The following GPC6 variants were observed in gnomAD, a reference collection of about 807,000 sequenced individuals.
GPC6 encodes the protein glypican 6.
GPC6 carries 14 observed loss-of-function variants against 55.2 expected under a neutral mutation model. The observed-to-expected ratio is 0.25, with a 90% confidence interval of 0.17 to 0.40. GPC6 has a LOEUF of 0.40. Ranked by LOEUF, GPC6 falls within the 10% of genes least tolerant of loss-of-function variation. The probability of loss-of-function intolerance (pLI) is 1.00; values close to 1 mark genes in which losing one functional copy is unlikely to be tolerated. For synonymous variants in GPC6, 278 were observed against 259.6 expected, an observed-to-expected ratio of 1.07 and a Z score of -0.68; for missense variants, 641 against 708.5, an observed-to-expected ratio of 0.90 and a Z score of 1.08.
chr13:93,258,888 T>G (rs1157711395), intron 1 of GPC6, among the ~76,000 whole-genome samples: 1 of 152,132 alleles, frequency 6.6e-6, no homozygotes, highest in Non-Finnish European at 1.5e-5. Context: ...AGTTTGAGGC[T>G]TCAGGGAGCT....
At chr13:94,348,478 C>A (rs1390413060) in intron 6 of GPC6, among the ~76,000 whole-genome samples, 1 of 152,210 alleles carries the variant, frequency 6.6e-6, no homozygotes, top group Non-Finnish European at 1.5e-5. Context: ...CCAGATAAGG[C>A]CAATGCTGCT....
At chr13:93,724,937 G>T (rs1428107391) in intron 2 of GPC6, among the ~76,000 whole-genome samples, 1 of 151,846 alleles carries the variant, frequency 6.6e-6, no homozygotes, top group Non-Finnish European at 1.5e-5. Context: ...ATGGATTTAA[G>T]GTGCTATAGA....
At chr13:94,203,946 G>A (rs1316821881) in intron 4 of GPC6, among the ~76,000 whole-genome samples, 1 of 151,996 alleles carries the variant, frequency 6.6e-6, no homozygotes, top group African/African-American at 2.4e-5. Flanking sequence ...CCAGAGATGG[G>A]ATGAATTCAC....
chr13:94,253,585 G>A (rs564941278), intron 4 of GPC6, among the ~76,000 whole-genome samples: 61 of 152,150 alleles, frequency 4.0e-4, no homozygotes, highest in African/African-American at 1.5e-3. Flanking sequence ...GAGCTTCCCT[G>A]TTCCCAAGAT....
rs200455615 is a variant in GPC6 at position 93,413,572 on chromosome 13, C to T, written c.161-131691C>T. ...GTATTTTGTTCTTTTTTTTTTTTTC[C>T]GGAAGAGATGAGTATAAAGTTGAGA... On this transcript the variant is annotated intron_variant, in intron 1 of 8. Transcript: ENST00000377047. Among the ~76,000 whole-genome samples, 193 of 146,112 alleles carry T rather than the reference C, an allele frequency of 1.3e-3. 2 individuals carry two copies. Among genetic ancestry groups the T allele is most frequent in the African/African-American group, 4.5e-3 (179 of 39,992 alleles).
the GPC6 span, among the ~76,000 whole-genome samples, chr13:93,219,873 ATCT>A: frequency 0.96 from 145,173 of 151,994 alleles, 69,672 homozygotes; most frequent in East Asian, 1. Flanking sequence ...TTTTGTTTTC[ATCT>A]TCTTATGTTA....
rs550950360 is a variant in GPC6 at position 93,742,532 on chromosome 13, G to T, written c.320-87622G>T. 2.6e-5 allele frequency among the ~76,000 whole-genome samples: 4 copies of T among 152,284 alleles called. No individual in the cohort carries two copies. The South Asian group carries it at 6.2e-4, about 24-fold the overall frequency. On this transcript the variant is annotated intron_variant, in intron 2 of 8. Coordinates refer to ENST00000377047, the MANE Select transcript of GPC6 (RefSeq NM_005708.5). ...AGCCTTGTGAACAAGATGGATAAAT[G>T]TGGGCCAGATGACAAGACAGACAAG...
chr13:94,175,615 C>T (rs1888719861), intron 4 of GPC6, among the ~76,000 whole-genome samples: 1 of 151,914 alleles, frequency 6.6e-6, no homozygotes, highest in South Asian at 2.1e-4. Context: ...AATTTATACT[C>T]CCAGCAATGG....
In GPC6 at chr13:93,943,352, G is replaced by A. The variant is rs150374969; in HGVS notation, c.712-84377G>A. Among the ~76,000 whole-genome samples the A allele has an allele frequency of 2.2e-4, 33 of 152,232 alleles. No homozygotes were observed. The East Asian group carries it at 4.1e-3, about 19-fold the overall frequency. ...GCTCAACAGAGTGGCTTAACCCAAT[G>A]AGATGCGTACCCAAGAAAAGACTCT... On this transcript the variant is annotated intron_variant, in intron 3 of 8. Transcript: ENST00000377047.
At chr13:94,127,289 G>A (rs1311705252) in intron 4 of GPC6, among the ~76,000 whole-genome samples, 1 of 152,072 alleles carries the variant, frequency 6.6e-6, no homozygotes, top group Non-Finnish European at 1.5e-5. Flanking sequence ...GGGCTTGTTG[G>A]GAGGTGTTTG....
At chr13:93,593,634 A>C (rs1877588638) in intron 2 of GPC6, among the ~76,000 whole-genome samples, 1 of 152,182 alleles carries the variant, frequency 6.6e-6, no homozygotes, top group African/African-American at 2.4e-5. Context: ...ATTGAGCTAT[A>C]TTCTGCTAGG....
At position 94,108,450 on chromosome 13, in the gene GPC6, G is replaced by A. The variant is rs150301421; in HGVS notation, c.877+80556G>A. 2.4e-3 allele frequency among the ~76,000 whole-genome samples: 369 copies of A among 152,080 alleles called. 4 individuals carry two copies. The highest frequency in any genetic ancestry group is 8.7e-3 in the African/African-American group (359 of 41,482). ...TTCTTGTATGCTGCTTAGGTGACGG[G>A]TGCACCGAAATCTCACAAATCACCA... On this transcript the variant is annotated intron_variant, in intron 4 of 8. Transcript: ENST00000377047.
chr13:94,316,214 T>C (rs1306904949), intron 6 of GPC6, among the ~76,000 whole-genome samples: 1 of 152,192 alleles, frequency 6.6e-6, no homozygotes, highest in Non-Finnish European at 1.5e-5. Context: ...TAAGTTCTTA[T>C]TAGAGAGGGG....
chr13:94,279,376 C>CAA (rs58007143), intron 4 of GPC6, among the ~76,000 whole-genome samples: 368 of 138,752 alleles, frequency 2.7e-3, no homozygotes, highest in African/African-American at 9.2e-3. Flanking sequence ...TGATCTTTTT[C>CAA]AAAAAAAAAA....
chr13:94,049,803 T>G (rs955299176), intron 4 of GPC6, among the ~76,000 whole-genome samples: 1 of 152,166 alleles, frequency 6.6e-6, no homozygotes, highest in Non-Finnish European at 1.5e-5. Flanking sequence ...GTGGTTTGGC[T>G]GGGTCACCAC....
chr13:93,271,985 G>A (rs529537089), intron 1 of GPC6, among the ~76,000 whole-genome samples: 11 of 152,076 alleles, frequency 7.2e-5, no homozygotes, highest in Non-Finnish European at 1.3e-4. Flanking sequence ...TACATCTTAA[G>A]TTTTATAGAT....
chr13:94,133,911 C>G (rs1348838046), intron 4 of GPC6, among the ~76,000 whole-genome samples: 2 of 151,990 alleles, frequency 1.3e-5, no homozygotes, highest in African/African-American at 4.8e-5. Context: ...CAGGTACACA[C>G]AATGAATACA....
At chr13:93,575,768 G>A (rs1228103382) in intron 2 of GPC6, among the ~76,000 whole-genome samples, 1 of 152,044 alleles carries the variant, frequency 6.6e-6, no homozygotes, top group Admixed American at 6.6e-5. Context: ...TCTGCCAAGA[G>A]CTTTTGCTTT....
At chr13:93,534,894 A>G (rs1417464735) in intron 1 of GPC6, among the ~76,000 whole-genome samples, 2 of 152,104 alleles carry the variant, frequency 1.3e-5, no homozygotes, top group Non-Finnish European at 2.9e-5. Context: ...TGGGGACCCA[A>G]GGAACTCACT....
Sources: allele counts gnomAD v4.1 joint callset (sites outside exome capture counted in the v4.1 genomes callset), GRCh38; gene constraint gnomAD v4.1.1; transcripts MANE v1.5; gene names NCBI Gene and HGNC (gene_info 2026-07-23, HGNC 2026-07-21).